The following SEMA3A variants were observed in gnomAD, a reference collection of about 807,000 sequenced individuals.
SEMA3A encodes semaphorin 3A, also known as semaphorin-3A.
Under a neutral mutation model 97.9 loss-of-function variants are expected in SEMA3A, and 29 were observed. That is an observed-to-expected ratio of 0.30 (90% CI 0.22 to 0.40). The LOEUF (loss-of-function observed/expected upper bound fraction) is 0.40. Ranked by LOEUF, SEMA3A falls within the 10% of genes least tolerant of loss-of-function variation. The pLI, the probability that SEMA3A is intolerant of heterozygous loss-of-function variation, is 1.00. For missense variants in SEMA3A, 763 were observed against 951.3 expected, an observed-to-expected ratio of 0.80 and a Z score of 2.60; for synonymous variants, 321 against 323.7, an observed-to-expected ratio of 0.99 and a Z score of 0.09.
Position 84,014,191 on chromosome 7 carries a change from T to G in SEMA3A, c.810+18A>C. 1 of 1,586,226 alleles carries G rather than the reference T, an allele frequency of 6.3e-7. No individual in the cohort carries two copies. On this transcript the variant is annotated intron_variant, in intron 7 of 16. Transcript: ENST00000265362. ...TGGGAAAATGACATCCTTCTCAGTT[T>G]TTTTTTCTTTACCTCACCTTGCATA...
At position 83,977,850 on chromosome 7, in the gene SEMA3A, C is replaced by CTGAAG. The variant is rs536279717; in HGVS notation, c.1653-659_1653-655dup. Among the ~76,000 whole-genome samples, 1,133 of 147,872 alleles carry CTGAAG rather than the reference C, an allele frequency of 7.7e-3. 12 individuals carry two copies. The highest frequency in any genetic ancestry group is 0.027 in the African/African-American group (1,075 of 40,068). ...ACAGAATCTCGCTCTGTCGCCCAGG[C>CTGAAG]TGAAGTGCAGTGGCGTGATCTCGGC... On this transcript the variant is annotated intron_variant, in intron 14 of 16. Coordinates refer to ENST00000265362, the MANE Select transcript of SEMA3A (RefSeq NM_006080.3).
chr7:83,997,231 A>G (rs1215903958), intron 12 of SEMA3A, among the ~76,000 whole-genome samples: 2 of 152,186 alleles, frequency 1.3e-5, no homozygotes, highest in Non-Finnish European at 2.9e-5. Context: ...CCATGACCCT[A>G]AATCTTTACC....
intron 15 of SEMA3A, among the ~76,000 whole-genome samples, chr7:83,969,262 TTTA>T (rs1347108859): frequency 2.0e-5 from 3 of 152,220 alleles, no homozygotes; most frequent in African/African-American, 7.2e-5. Context: ...CTTAAAATCC[TTTA>T]TTGAGAATCC....
chr7:84,050,271 G>A (rs1427426559), intron 5 of SEMA3A, among the ~76,000 whole-genome samples: 1 of 151,722 alleles, frequency 6.6e-6, no homozygotes, highest in Non-Finnish European at 1.5e-5. Flanking sequence ...CTAGATCTCT[G>A]AAGAATTGCC....
intron 6 of SEMA3A, among the ~76,000 whole-genome samples, chr7:84,023,721 G>A (rs2116445964): frequency 6.6e-6 from 1 of 152,260 alleles, no homozygotes; most frequent in East Asian, 1.9e-4. Context: ...GCTTTAAAAT[G>A]TAGATAGTGC....
chr7:83,997,708 T>C (rs1790274416), intron 12 of SEMA3A, among the ~76,000 whole-genome samples: 1 of 152,160 alleles, frequency 6.6e-6, no homozygotes, highest in South Asian at 2.1e-4. Flanking sequence ...ATTATTAATT[T>C]ACATTTAATT....
chr7:84,466,364 G>A (rs2715037), intron 1 of SEMA3A, among the ~76,000 whole-genome samples: 12,169 of 151,948 alleles, frequency 0.08, 993 homozygotes, highest in African/African-American at 0.18. Flanking sequence ...GTAGAGACAG[G>A]GTTTCACTAC....
At chr7:84,142,056 C>A (rs1437439546) in intron 1 of SEMA3A, among the ~76,000 whole-genome samples, 1 of 152,138 alleles carries the variant, frequency 6.6e-6, no homozygotes, top group Non-Finnish European at 1.5e-5. Flanking sequence ...TATATTTTTC[C>A]TCAAATATGC....
At chr7:84,405,228 AG>A (rs1336625350) in intron 1 of SEMA3A, among the ~76,000 whole-genome samples, 2 of 152,200 alleles carry the variant, frequency 1.3e-5, no homozygotes, top group Non-Finnish European at 2.9e-5. Context: ...AAACAAAAAA[AG>A]GCAGGGTTTA....
chr7:84,021,340 A>T (rs62473927), intron 6 of SEMA3A, among the ~76,000 whole-genome samples: 1 of 152,062 alleles, frequency 6.6e-6, no homozygotes. Context: ...CTGCATTTTC[A>T]TATTTGTCTT....
At chr7:84,398,478 T>A (rs1401114192) in intron 1 of SEMA3A, among the ~76,000 whole-genome samples, 2 of 151,996 alleles carry the variant, frequency 1.3e-5, no homozygotes, top group East Asian at 3.8e-4. Flanking sequence ...ACTGAAGCCG[T>A]TAAAAATCAA....
chr7:84,380,923 G>C (rs530788392), intron 1 of SEMA3A, among the ~76,000 whole-genome samples: 1 of 152,252 alleles, frequency 6.6e-6, no homozygotes, highest in East Asian at 1.9e-4. Flanking sequence ...AATTAGACAG[G>C]CTTTACCTGG....
chr7:84,278,277 C>T (rs574613416), intron 3 of SEMA3A, among the ~76,000 whole-genome samples: 1 of 152,110 alleles, frequency 6.6e-6, no homozygotes, highest in African/African-American at 2.4e-5. Flanking sequence ...ACCTCCTCAG[C>T]CTAGACTTCA....
chr7:83,983,041 A>C lies in SEMA3A; in HGVS notation c.1495-1563T>G, dbSNP rs373613301. Among the ~76,000 whole-genome samples, 19 of 152,176 alleles carry C rather than the reference A, an allele frequency of 1.2e-4. 1 individual carries two copies. The highest frequency in any genetic ancestry group is 4.3e-4 in the African/African-American group (18 of 41,570). On this transcript the variant is annotated intron_variant, in intron 13 of 16. Transcript: ENST00000265362. ...AATGGAAAAAATGAAATTATAGCAT[A>C]TATTACTAAGTGCTCAATTTTTTGC...
At chr7:84,351,066 TACACACAC>T (rs149149582) in intron 2 of SEMA3A, among the ~76,000 whole-genome samples, 2,124 of 146,652 alleles carry the variant, frequency 0.014, 92 homozygotes, top group East Asian at 0.14. Flanking sequence ...TACACATGCA[TACACACAC>T]ACACACACAC....
At chr7:84,424,733 A>G (rs1484857034) in intron 1 of SEMA3A, among the ~76,000 whole-genome samples, 1 of 100,554 alleles carries the variant, frequency 9.9e-6, no homozygotes, top group African/African-American at 4.1e-5. Flanking sequence ...TTTATATATT[A>G]TATATTTAGA....
At chr7:84,488,269 A>C (rs1202783995) in intron 1 of SEMA3A, among the ~76,000 whole-genome samples, 1 of 151,702 alleles carries the variant, frequency 6.6e-6, no homozygotes, top group African/African-American at 2.4e-5. Flanking sequence ...ATTATATTTT[A>C]AATGAAATAT....
intron 2 of SEMA3A, among the ~76,000 whole-genome samples, chr7:84,342,506 T>C (rs561189656): frequency 2.0e-5 from 3 of 152,354 alleles, no homozygotes; most frequent in East Asian, 3.9e-4. Context: ...CTTCTAATTA[T>C]ATTTTTCAAG....
chr7:84,316,827 G>A (rs765800505), intron 2 of SEMA3A, among the ~76,000 whole-genome samples: 1 of 152,098 alleles, frequency 6.6e-6, no homozygotes, highest in Non-Finnish European at 1.5e-5. Context: ...CCACAATCAA[G>A]CCGATTAAAC....
Sources: gnomAD v4.1 joint callset for allele counts (sites outside exome capture counted in the v4.1 genomes callset) on GRCh38, gnomAD v4.1.1 for gene constraint, MANE v1.5 for transcripts, NCBI Gene and HGNC (gene_info 2026-07-23, HGNC 2026-07-21) for gene names.